RPS6KC1: variants seen among roughly 807,000 people sequenced by gnomAD.
RPS6KC1 encodes ribosomal protein S6 kinase C1.
RPS6KC1 carries 54 observed loss-of-function variants against 103.8 expected under a neutral mutation model. The observed-to-expected ratio is 0.52, with a 90% confidence interval of 0.42 to 0.65. The LOEUF (loss-of-function observed/expected upper bound fraction) is 0.65, where lower values mean the gene tolerates loss of function less well. RPS6KC1 is among the 30% of genes least tolerant of loss of function. RPS6KC1 has a pLI of 0.00. For missense variants in RPS6KC1, 1,151 were observed against 1,253.8 expected (o/e 0.92, Z 1.24); for synonymous variants, 439 against 438.7 (o/e 1.00, Z -0.01).
At chr1:213,685,050 C>T in the RPS6KC1 span, among the ~76,000 whole-genome samples, 1 of 152,126 alleles carries the variant, frequency 6.6e-6, no homozygotes, top group Non-Finnish European at 1.5e-5. Context: ...TTTGGAAATT[C>T]TCCTTTTATT....
At chr1:213,117,751 G>A (rs2148896223) in intron 5 of RPS6KC1, among the ~76,000 whole-genome samples, 1 of 151,828 alleles carries the variant, frequency 6.6e-6, no homozygotes. Context: ...GGCCAGGCAT[G>A]GTGGCTCATG....
intron 4 of RPS6KC1, among the ~76,000 whole-genome samples, chr1:213,110,516 C>G (rs2082918253): frequency 6.6e-6 from 1 of 152,174 alleles, no homozygotes. Flanking sequence ...TTAAGCCAGG[C>G]TATATAGGGG....
intron 8 of RPS6KC1, among the ~76,000 whole-genome samples, chr1:213,180,153 T>C (rs917370570): frequency 2.3e-4 from 35 of 151,484 alleles, no homozygotes; most frequent in African/African-American, 8.6e-4. Context: ...AGGAAATGTT[T>C]AACCTGATTA....
chr1:213,063,918 A>G (rs922928320), intron 1 of RPS6KC1, among the ~76,000 whole-genome samples: 5 of 152,080 alleles, frequency 3.3e-5, no homozygotes, highest in Admixed American at 2.0e-4. Context: ...TATTTTTAGT[A>G]GAGTGTAAGG....
rs950112672 is a variant in RPS6KC1 at position 213,093,252 on chromosome 1, C to T, written c.263-11202C>T. Among the ~76,000 whole-genome samples, 16 of 151,292 alleles carry T rather than the reference C, an allele frequency of 1.1e-4. 2 individuals carry two copies. Among genetic ancestry groups the T allele is most frequent in the Admixed American group, 1.1e-3 (16 of 15,188 alleles). On this transcript the variant is annotated intron_variant, in intron 3 of 14. Transcript: ENST00000366960. ...ATGAGGCGGAGTCTCGCTCTGTCAC[C>T]CAGGCTGGAGTGCAGTGGCGCCATC...
chr1:213,504,859 T>G, the RPS6KC1 span, among the ~76,000 whole-genome samples: 1 of 152,186 alleles, frequency 6.6e-6, no homozygotes, highest in African/African-American at 2.4e-5. Flanking sequence ...TAAAATTTCT[T>G]ATTTAGGAAA....
At chr1:213,641,840 A>G in the RPS6KC1 span, among the ~76,000 whole-genome samples, 1 of 150,928 alleles carries the variant, frequency 6.6e-6, no homozygotes, top group South Asian at 2.1e-4. Flanking sequence ...AAATAAATAA[A>G]TAAATAAATA....
intron 7 of RPS6KC1, among the ~76,000 whole-genome samples, chr1:213,170,074 C>T (rs928095993): frequency 1.3e-5 from 2 of 152,128 alleles, no homozygotes; most frequent in Admixed American, 6.5e-5. Flanking sequence ...TGAGTCACCA[C>T]GCCTGGCCAG....
chr1:213,630,589 A>G, the RPS6KC1 span, among the ~76,000 whole-genome samples: 1 of 152,336 alleles, frequency 6.6e-6, no homozygotes, highest in Admixed American at 6.5e-5. Context: ...CGTCAAAGTC[A>G]TTCTCCATCC....
intron 9 of RPS6KC1, 144 bp from the exon 10 acceptor site, chr1:213,231,979 C>A: frequency 3.1e-6 from 3 of 953,062 alleles, no homozygotes; most frequent in Non-Finnish European, 4.8e-6. Context: ...GACTGGGGGG[C>A]ATAGAGCAGC....
At chr1:213,672,537 A>G in the RPS6KC1 span, among the ~76,000 whole-genome samples, 1 of 152,240 alleles carries the variant, frequency 6.6e-6, no homozygotes, top group South Asian at 2.1e-4. Context: ...CTGTGATTCC[A>G]TGCACCTTTG....
At chr1:213,454,005 G>A in the RPS6KC1 span, among the ~76,000 whole-genome samples, 4 of 152,234 alleles carry the variant, frequency 2.6e-5, no homozygotes, top group Middle Eastern at 3.4e-3. Flanking sequence ...GGTTTGTCAT[G>A]AATGCATAAA....
chr1:213,315,804 A>G, the RPS6KC1 span, among the ~76,000 whole-genome samples: 2 of 152,200 alleles, frequency 1.3e-5, no homozygotes, highest in African/African-American at 2.4e-5. Flanking sequence ...ACCTGCCTCA[A>G]ATGGTTATTG....
At chr1:213,181,366 T>A (rs1169319990) in intron 8 of RPS6KC1, among the ~76,000 whole-genome samples, 1 of 152,250 alleles carries the variant, frequency 6.6e-6, no homozygotes, top group Non-Finnish European at 1.5e-5. Context: ...TCAGATGCCT[T>A]CACATTTTGT....
At chr1:213,305,681 A>C in the RPS6KC1 span, among the ~76,000 whole-genome samples, 1 of 152,174 alleles carries the variant, frequency 6.6e-6, no homozygotes, top group Non-Finnish European at 1.5e-5. Flanking sequence ...ATTAGATGGC[A>C]TCAGTGTTTC....
intron 8 of RPS6KC1, among the ~76,000 whole-genome samples, chr1:213,211,391 A>C (rs1348914266): frequency 6.6e-6 from 1 of 152,230 alleles, no homozygotes. Flanking sequence ...AAAGGTGTGG[A>C]GAGATCTAGC....
chr1:213,536,599 C>T, the RPS6KC1 span, among the ~76,000 whole-genome samples: 319 of 152,266 alleles, frequency 2.1e-3, 2 homozygotes, highest in African/African-American at 7.6e-3. Flanking sequence ...GCAACCTCAT[C>T]CTACCTTGAT....
chr1:213,356,155 G>A, the RPS6KC1 span, among the ~76,000 whole-genome samples: 1 of 152,144 alleles, frequency 6.6e-6, no homozygotes, highest in Non-Finnish European at 1.5e-5. Context: ...TGAGAGAGGT[G>A]GCAGTTAGTC....
the RPS6KC1 span, among the ~76,000 whole-genome samples, chr1:213,473,136 G>C: frequency 6.6e-6 from 1 of 152,190 alleles, no homozygotes; most frequent in Non-Finnish European, 1.5e-5. Context: ...AAGAAAGATT[G>C]GGCAATGTTA....
Sources: allele counts gnomAD v4.1 joint callset (sites outside exome capture counted in the v4.1 genomes callset), GRCh38; gene constraint gnomAD v4.1.1; transcripts MANE v1.5; gene names NCBI Gene and HGNC (gene_info 2026-07-23, HGNC 2026-07-21).